Variants in NAALADL2 observed in about 807,000 individuals in gnomAD.
The protein encoded by NAALADL2 is inactive N-acetylated-alpha-linked acidic dipeptidase-like protein 2.
NAALADL2 carries 76 observed loss-of-function variants against 87.2 expected under a neutral mutation model. The ratio of observed to expected loss-of-function variants is 0.87; its 90% confidence interval spans 0.72 to 1.05. The LOEUF (loss-of-function observed/expected upper bound fraction) is 1.05. NAALADL2 is among the 50% of genes least tolerant of loss of function. The pLI, the probability that NAALADL2 is intolerant of heterozygous loss-of-function variation, is 0.00. For synonymous variants in NAALADL2, 354 were observed against 331.0 expected, an observed-to-expected ratio of 1.07 and a Z score of -0.75; for missense variants, 1,089 against 945.8, an observed-to-expected ratio of 1.15 and a Z score of -1.99.
At position 175,199,862 on chromosome 3, in the gene NAALADL2, A is replaced by T. The variant is rs1205161741; in HGVS notation, c.546-34069A>T. ...TATATATATATATATATATATATATATATTTTTTTTTTTTTTTTTTTTTTT... is the reference window on the plus strand; with the variant it reads ...TATATATATATATATATATATATATTTATTTTTTTTTTTTTTTTTTTTTTT... On this transcript the variant is annotated intron_variant, in intron 2 of 13. Transcript: ENST00000454872. Among the ~76,000 whole-genome samples the T allele has an allele frequency of 7.1e-3, 97 of 13,712 alleles. 2 individuals carry two copies. Among genetic ancestry groups the T allele is most frequent in the South Asian group, 0.011 (3 of 266 alleles). The allele number at this position is 13,712 out of a possible 152,430, so 9.0% of individuals were successfully genotyped here. A position where few individuals can be genotyped will look rare whatever the true frequency, so the allele number is the denominator to read the frequency against.
At chr3:174,700,323 A>G (rs542721919) in intron 2 of NAALADL2, among the ~76,000 whole-genome samples, 12 of 152,040 alleles carry the variant, frequency 7.9e-5, no homozygotes, top group African/African-American at 2.9e-4. Context: ...CTGAAAATAC[A>G]TGGGCTAAAA....
chr3:174,555,366 C>G (rs1337017597), intron 2 of NAALADL2, among the ~76,000 whole-genome samples: 1 of 152,318 alleles, frequency 6.6e-6, no homozygotes, highest in East Asian at 1.9e-4. Context: ...ATGGCGCGAT[C>G]TTGGCCCACT....
At chr3:174,718,112 C>G (rs981906114) in intron 2 of NAALADL2, among the ~76,000 whole-genome samples, 1 of 151,610 alleles carries the variant, frequency 6.6e-6, no homozygotes, top group Non-Finnish European at 1.5e-5. Context: ...TATTGTGTCT[C>G]AAACAAACAA....
intron 2 of NAALADL2, among the ~76,000 whole-genome samples, chr3:174,707,169 A>T (rs1391365435): frequency 6.6e-6 from 1 of 152,174 alleles, no homozygotes; most frequent in Admixed American, 6.5e-5. Flanking sequence ...GGATGTGGAG[A>T]AATTGGAACA....
At chr3:175,749,085 C>A (rs1200088595) in intron 12 of NAALADL2, among the ~76,000 whole-genome samples, 1 of 141,242 alleles carries the variant, frequency 7.1e-6, no homozygotes, top group African/African-American at 2.6e-5. Flanking sequence ...CCAGACTGGG[C>A]AACAGAGCCA....
chr3:175,565,192 C>G (rs1716909389), intron 9 of NAALADL2, among the ~76,000 whole-genome samples: 2 of 152,114 alleles, frequency 1.3e-5, no homozygotes, highest in East Asian at 3.9e-4. Context: ...CTTCTGCCTG[C>G]CATTCCATTC....
intron 4 of NAALADL2, among the ~76,000 whole-genome samples, chr3:175,300,307 A>G (rs1021439611): frequency 3.3e-5 from 5 of 152,188 alleles, no homozygotes; most frequent in African/African-American, 1.2e-4. Flanking sequence ...GCCTCATAAA[A>G]CGAGTTAGGG....
Position 175,457,319 on chromosome 3 carries a change from A to G in NAALADL2, c.1235-6082A>G, listed in dbSNP as rs541940891. Among the ~76,000 whole-genome samples, 6 of 152,106 alleles carry G rather than the reference A, an allele frequency of 3.9e-5. No homozygotes were observed. In the South Asian group the frequency reaches 1.2e-3, roughly 32 times the overall value. ...TTGTCCCATCTCTGGTGCTGCTACT[A>G]CCTATGATCACTTGATTAAGGTGGT... On this transcript the variant is annotated intron_variant, in intron 6 of 13. Coordinates refer to ENST00000454872, the MANE Select transcript of NAALADL2 (RefSeq NM_207015.3).
intron 1 of NAALADL2, among the ~76,000 whole-genome samples, chr3:174,531,177 C>G (rs1201846613): frequency 6.6e-6 from 1 of 151,880 alleles, no homozygotes; most frequent in Non-Finnish European, 1.5e-5. Flanking sequence ...GTGTATGTTT[C>G]TATTTCTTTT....
intron 3 of NAALADL2, among the ~76,000 whole-genome samples, chr3:174,752,843 G>A (rs888568809): frequency 1.3e-5 from 2 of 152,108 alleles, no homozygotes; most frequent in African/African-American, 4.8e-5. Flanking sequence ...TTAGTTATGT[G>A]TAAAGATATA....
chr3:175,341,719 A>G (rs1762585372), intron 5 of NAALADL2, among the ~76,000 whole-genome samples: 1 of 152,164 alleles, frequency 6.6e-6, no homozygotes. Context: ...TAATAATCCC[A>G]GTATGACCCA....
intron 2 of NAALADL2, among the ~76,000 whole-genome samples, chr3:175,232,438 T>C (rs1745124620): frequency 6.6e-6 from 1 of 152,162 alleles, no homozygotes; most frequent in Non-Finnish European, 1.5e-5. Context: ...GCTTCTTATG[T>C]CTTTTCCAGG....
intron 5 of NAALADL2, among the ~76,000 whole-genome samples, chr3:175,423,360 C>G (rs191342669): frequency 6.6e-6 from 1 of 150,890 alleles, no homozygotes; most frequent in African/African-American, 2.4e-5. Flanking sequence ...TGGTGTGCTG[C>G]ACCCATTAAC....
At chr3:174,539,433 T>G (rs13081872) in intron 1 of NAALADL2, among the ~76,000 whole-genome samples, 54,922 of 151,998 alleles carry the variant, frequency 0.36, 12,106 homozygotes, top group Non-Finnish European at 0.5. Flanking sequence ...TTTAATAGTA[T>G]ATATCATTTT....
chr3:175,497,056 C>G (rs187926840), intron 9 of NAALADL2, among the ~76,000 whole-genome samples: 5 of 151,878 alleles, frequency 3.3e-5, no homozygotes, highest in Non-Finnish European at 7.4e-5. Context: ...AACCAAATGG[C>G]GTGTAGTGTT....
chr3:175,775,154 G>A (rs1373716871), intron 13 of NAALADL2: 1 of 149,988 alleles, frequency 6.7e-6, no homozygotes, highest in Non-Finnish European at 1.5e-5. Flanking sequence ...TGTTGTTACA[G>A]GTATCTGTGA....
At chr3:175,566,298 T>C (rs1183238806) in intron 9 of NAALADL2, among the ~76,000 whole-genome samples, 1 of 152,290 alleles carries the variant, frequency 6.6e-6, no homozygotes, top group East Asian at 1.9e-4. Context: ...AAATTGACAA[T>C]GGGCAGTTTT....
intron 2 of NAALADL2, among the ~76,000 whole-genome samples, chr3:174,604,983 C>CCT (rs1560086034): frequency 6.6e-6 from 1 of 151,978 alleles, no homozygotes; most frequent in Admixed American, 6.6e-5. Context: ...GAACTCCTGA[C>CCT]CTCAGGTGAT....
chr3:175,111,142 G>C (rs1371942129), intron 2 of NAALADL2, among the ~76,000 whole-genome samples: 1 of 151,740 alleles, frequency 6.6e-6, no homozygotes, highest in African/African-American at 2.4e-5. Flanking sequence ...CATATCCTGT[G>C]TGGAGCTATG....
Sources: gnomAD v4.1 joint callset for allele counts (sites outside exome capture counted in the v4.1 genomes callset) on GRCh38, gnomAD v4.1.1 for gene constraint, MANE v1.5 for transcripts, NCBI Gene and HGNC (gene_info 2026-07-23, HGNC 2026-07-21) for gene names.